Variants in CTNNA1 observed in about 807,000 individuals in gnomAD.
CTNNA1 encodes the protein catenin alpha 1.
Under a neutral mutation model 98.4 loss-of-function variants are expected in CTNNA1, and 37 were observed. The ratio of observed to expected loss-of-function variants is 0.38; its 90% CI spans 0.29 to 0.49. CTNNA1 has a LOEUF of 0.49. CTNNA1 is among the 20% of genes least tolerant of loss of function. The pLI, the probability that CTNNA1 is intolerant of heterozygous loss-of-function variation, is 0.95. For synonymous variants in CTNNA1, 404 were observed against 413.2 expected (o/e 0.98, Z 0.27); for missense variants, 761 against 1,147.2 (o/e 0.66, Z 4.86).
chr5:138,904,288 G>T (rs1187630214), intron 9 of CTNNA1, 61 bp from the exon 10 acceptor site: 1 of 1,550,222 alleles, frequency 6.5e-7, no homozygotes, highest in African/African-American at 1.4e-5. Flanking sequence ...GGCCAGGTGT[G>T]TGTTTTTTCC....
Position 138,924,652 on chromosome 5 carries a change from T to C in CTNNA1, c.1689T>C (p.Tyr563=), listed in dbSNP as rs773645419. The change falls in exon 12 of 18, where the codon TAT becomes TAC. Residue 563 remains tyrosine, a synonymous_variant. Transcript: ENST00000302763. ...IHVVTSEMDN[Y]EPGVYTEKVL... is the part of the protein sequence containing the mutation. Reference sequence around the variant, plus strand: ...TAGTCACCTCAGAGATGGACAACTATGAGCCAGGAGTCTACACAGAGAAGG... The same window carrying C: ...TAGTCACCTCAGAGATGGACAACTACGAGCCAGGAGTCTACACAGAGAAGG... The C allele has an allele frequency of 2.5e-5, 41 of 1,609,350 alleles. No homozygotes were observed. The highest frequency in any genetic ancestry group is 9.3e-6 in the Non-Finnish European group (11 of 1,177,796).
intron 9 of CTNNA1, among the ~76,000 whole-genome samples, chr5:138,899,886 G>A (rs1255941031): frequency 6.6e-6 from 1 of 152,104 alleles, no homozygotes; most frequent in East Asian, 1.9e-4. Context: ...TTCAGATTTT[G>A]GTAAGTTTAC....
intron 1 of CTNNA1, among the ~76,000 whole-genome samples, chr5:138,763,908 A>T (rs700625): frequency 0.69 from 105,159 of 152,134 alleles, 36,507 homozygotes; most frequent in East Asian, 0.93. Flanking sequence ...CCTGCCATTT[A>T]GGCTGGGTGC....
At chr5:138,815,574 C>T (rs1047320224) in intron 5 of CTNNA1, among the ~76,000 whole-genome samples, 2 of 152,166 alleles carry the variant, frequency 1.3e-5, no homozygotes, top group African/African-American at 4.8e-5. Flanking sequence ...CCTCTTGTCC[C>T]TTCATTCCTA....
intron 5 of CTNNA1, among the ~76,000 whole-genome samples, chr5:138,814,033 A>G (rs959537642): frequency 6.6e-6 from 1 of 152,216 alleles, no homozygotes; most frequent in African/African-American, 2.4e-5. Flanking sequence ...GATTCAAATA[A>G]ATAATATATG....
intron 3 of CTNNA1, among the ~76,000 whole-genome samples, chr5:138,798,700 G>T (rs1011578337): frequency 6.6e-6 from 1 of 152,084 alleles, no homozygotes; most frequent in African/African-American, 2.4e-5. Flanking sequence ...AACTCCAGAG[G>T]AACTTATTTT....
At chr5:138,789,564 TCTC>T (rs888554767) in intron 3 of CTNNA1, among the ~76,000 whole-genome samples, 2 of 152,142 alleles carry the variant, frequency 1.3e-5, no homozygotes, top group Non-Finnish European at 2.9e-5. Context: ...TTCAAGCAAT[TCTC>T]CTGCCTCAGC....
intron 7 of CTNNA1, among the ~76,000 whole-genome samples, chr5:138,843,458 G>T (rs1363726035): frequency 6.6e-6 from 1 of 152,158 alleles, no homozygotes; most frequent in Non-Finnish European, 1.5e-5. Context: ...ACCCCTGGAA[G>T]GCCTTGTTTT....
At chr5:138,802,803 A>G (rs1304206664) in intron 3 of CTNNA1, among the ~76,000 whole-genome samples, 2 of 152,164 alleles carry the variant, frequency 1.3e-5, no homozygotes, top group African/African-American at 2.4e-5. Flanking sequence ...CCCCTACACA[A>G]GATTTTTATA....
chr5:138,773,063 G>A (rs1455098352), intron 1 of CTNNA1, among the ~76,000 whole-genome samples: 1 of 152,212 alleles, frequency 6.6e-6, no homozygotes, highest in Non-Finnish European at 1.5e-5. Context: ...AGAAGCTGAT[G>A]TTTCAAGTAG....
chr5:138,869,322 G>A (rs1765115222), intron 7 of CTNNA1: 1 of 151,384 alleles, frequency 6.6e-6, no homozygotes, highest in Admixed American at 6.6e-5. Flanking sequence ...TTTGCCCCAG[G>A]TTAGATAGAG....
intron 1 of CTNNA1, among the ~76,000 whole-genome samples, chr5:138,781,021 C>T (rs1417008076): frequency 6.6e-6 from 1 of 152,186 alleles, no homozygotes; most frequent in East Asian, 1.9e-4. Flanking sequence ...GACACTGATA[C>T]AGTGATATTT....
Position 138,925,346 on chromosome 5 carries a change from A to G in CTNNA1, c.1838A>G (p.Asp613Gly). ...AQPMDENEFI[D>G]ASRLVYDGIR... is the part of the protein sequence containing the mutation. ...CCCATGGATGAGAATGAGTTTATCGATGCTTCCCGCCTGGTATATGATGGC... is the reference window on the plus strand; with the variant it reads ...CCCATGGATGAGAATGAGTTTATCGGTGCTTCCCGCCTGGTATATGATGGC... Residue 613 changes from aspartate (D) to glycine (G), a missense_variant, in exon 13 of 18, where the codon GAT becomes GGT. Transcript: ENST00000302763. 6.2e-7 allele frequency: 1 copy of G among 1,614,130 alleles called. No homozygotes were observed. The highest frequency in any genetic ancestry group is 8.5e-7 in the Non-Finnish European group (1 of 1,180,040).
intron 7 of CTNNA1, among the ~76,000 whole-genome samples, chr5:138,840,461 C>G (rs1235134260): frequency 6.6e-6 from 1 of 152,118 alleles, no homozygotes; most frequent in East Asian, 1.9e-4. Context: ...TGCAAATGTG[C>G]AAATTGGTGT....
intron 9 of CTNNA1, among the ~76,000 whole-genome samples, chr5:138,890,302 A>G (rs1439224706): frequency 6.6e-6 from 1 of 152,050 alleles, no homozygotes; most frequent in Non-Finnish European, 1.5e-5. Context: ...GCTAATCACC[A>G]GAAGTTAGTG....
At chr5:138,932,065 C>T (rs1035448340) in intron 16 of CTNNA1, 2 of 985,864 alleles carry the variant, frequency 2.0e-6, no homozygotes, top group Non-Finnish European at 2.4e-6. Flanking sequence ...ACTCACTTGT[C>T]TTCCACCTCA....
chr5:138,819,572 T>TGA (rs1759805987), intron 5 of CTNNA1, among the ~76,000 whole-genome samples: 1 of 152,098 alleles, frequency 6.6e-6, no homozygotes, highest in African/African-American at 2.4e-5. Flanking sequence ...CTGAGGGGCA[T>TGA]GACTTTTCTG....
At chr5:138,825,543 A>C (rs1182543206) in intron 6 of CTNNA1, among the ~76,000 whole-genome samples, 1 of 115,170 alleles carries the variant, frequency 8.7e-6, no homozygotes, top group Non-Finnish European at 1.8e-5. Context: ...AAAAAAAAAA[A>C]CAAACCAAAA....
At chr5:138,905,378 T>C (rs1283913835) in intron 10 of CTNNA1, among the ~76,000 whole-genome samples, 2 of 152,142 alleles carry the variant, frequency 1.3e-5, no homozygotes, top group Non-Finnish European at 2.9e-5. Flanking sequence ...GTCTACACCC[T>C]CCTTGAGGGC....
Sources: allele counts gnomAD v4.1 joint callset (sites outside exome capture counted in the v4.1 genomes callset), GRCh38; gene constraint gnomAD v4.1.1; transcripts MANE v1.5; gene names NCBI Gene and HGNC (gene_info 2026-07-23, HGNC 2026-07-21).